Variants in CCDC171 observed in about 807,000 individuals in gnomAD.
CCDC171 encodes coiled-coil domain-containing protein 171.
In CCDC171, 177 loss-of-function variants were observed where a neutral mutation model predicts 168.2. That is an observed-to-expected ratio of 1.05 (90% CI 0.93 to 1.19). CCDC171 has a LOEUF of 1.19. Among genes scored for constraint, CCDC171 ranks in the 50% most tolerant of loss-of-function variants. The pLI, the probability that CCDC171 is intolerant of heterozygous loss-of-function variation, is 0.00. For missense variants in CCDC171, 1,991 were observed against 1,539.0 expected, an observed-to-expected ratio of 1.29 and a Z score of -4.91; for synonymous variants, 687 against 540.8, an observed-to-expected ratio of 1.27 and a Z score of -3.75.
Position 15,930,133 on chromosome 9 carries a change from T to C in CCDC171, c.3753+9711T>C, listed in dbSNP as rs368481231. 8.6e-5 allele frequency among the ~76,000 whole-genome samples: 13 copies of C among 151,796 alleles called. No individual in the cohort carries two copies. The East Asian group carries it at 2.3e-3, about 27-fold the overall frequency. On this transcript the variant is annotated intron_variant, in intron 25 of 25. Coordinates refer to ENST00000380701, the MANE Select transcript of CCDC171 (RefSeq NM_173550.4). ...TCAGATTTTAATAAATGCTGCTTGA[T>C]TTGAATTGAAATTAATGAGAAGGTC...
At chr9:15,940,957 C>T (rs576427012) in intron 25 of CCDC171, among the ~76,000 whole-genome samples, 3 of 152,034 alleles carry the variant, frequency 2.0e-5, no homozygotes, top group South Asian at 2.1e-4. Context: ...GTAGTTCCCA[C>T]GACTGTAAAA....
At chr9:15,931,091 G>A (rs140806226) in intron 25 of CCDC171, among the ~76,000 whole-genome samples, 7 of 151,718 alleles carry the variant, frequency 4.6e-5, no homozygotes, top group African/African-American at 1.7e-4. Flanking sequence ...ATTTCCTTTG[G>A]ATATATACCC....
chr9:16,105,630 A>C, the CCDC171 span, among the ~76,000 whole-genome samples: 1 of 152,154 alleles, frequency 6.6e-6, no homozygotes, highest in Non-Finnish European at 1.5e-5. Context: ...TTCCTGAGTG[A>C]AGATAATAGA....
Position 15,614,463 on chromosome 9 carries a change from A to C in CCDC171, c.676-8804A>C, listed in dbSNP as rs551332382. Among the ~76,000 whole-genome samples the C allele has an allele frequency of 2.2e-4, 33 of 152,346 alleles. No individual in the cohort carries two copies. The East Asian group carries it at 5.4e-3, about 25-fold the overall frequency. On this transcript the variant is annotated intron_variant, in intron 6 of 25. Transcript: ENST00000380701. ...TATTGAGATTCAATTGATTTCCCTG[A>C]ATAAATGCTTTTTGGATTACTGCAA...
At chr9:15,841,689 A>C (rs1281581711) in intron 21 of CCDC171, among the ~76,000 whole-genome samples, 1 of 152,006 alleles carries the variant, frequency 6.6e-6, no homozygotes, top group Non-Finnish European at 1.5e-5. Flanking sequence ...ACTGTACTAT[A>C]TACCAACATC....
intron 23 of CCDC171, among the ~76,000 whole-genome samples, chr9:15,853,074 A>C (rs887491512): frequency 1.3e-5 from 2 of 151,640 alleles, no homozygotes; most frequent in Non-Finnish European, 3.0e-5. Context: ...ATAAAATTCC[A>C]TGTGAATTTT....
At chr9:15,905,042 A>G (rs1222392275) in intron 24 of CCDC171, among the ~76,000 whole-genome samples, 270 of 152,328 alleles carry the variant, frequency 1.8e-3, no homozygotes, top group African/African-American at 5.9e-3. Flanking sequence ...GAGACCTACA[A>G]AGAGACTTAG....
chr9:16,079,246 T>A, the CCDC171 span, among the ~76,000 whole-genome samples: 1 of 152,234 alleles, frequency 6.6e-6, no homozygotes, highest in East Asian at 1.9e-4. Context: ...CCCAGTGGCC[T>A]GGTGTTACGG....
At chr9:16,003,516 G>T (rs1223761010) in intron 3 of CCDC171, among the ~76,000 whole-genome samples, 1 of 152,192 alleles carries the variant, frequency 6.6e-6, no homozygotes, top group Non-Finnish European at 1.5e-5. Context: ...TCAACTGCAT[G>T]TCTTAGATTT....
chr9:15,609,513 A>C (rs2043494387), intron 6 of CCDC171, among the ~76,000 whole-genome samples: 1 of 152,204 alleles, frequency 6.6e-6, no homozygotes, highest in Admixed American at 6.5e-5. Flanking sequence ...CGTATATAGC[A>C]TGAGATGGGA....
At chr9:15,593,921 G>T in intron 5 of CCDC171, 120 bp from the exon 6 acceptor site, 1 of 634,888 alleles carries the variant, frequency 1.6e-6, no homozygotes, top group Non-Finnish European at 2.8e-6. Flanking sequence ...ATTTTAACAT[G>T]AATTATGATG....
intron 24 of CCDC171, among the ~76,000 whole-genome samples, chr9:15,898,527 A>G (rs1283530734): frequency 6.6e-6 from 1 of 152,168 alleles, no homozygotes; most frequent in Non-Finnish European, 1.5e-5. Context: ...TGTGCAGAAG[A>G]CTGGTTGGTC....
rs550837264 is a variant in CCDC171 at position 15,751,569 on chromosome 9, C to G, written c.2671+5938C>G. Among the ~76,000 whole-genome samples the G allele has an allele frequency of 5.3e-5, 8 of 152,248 alleles. No individual in the cohort carries two copies. The South Asian group carries it at 1.5e-3, about 28-fold the overall frequency. On this transcript the variant is annotated intron_variant, in intron 18 of 25. Coordinates refer to ENST00000380701, the MANE Select transcript of CCDC171 (RefSeq NM_173550.4). ...ACTGGTACCAAAACAGATATATAGA[C>G]CAATGCAACAGAACAGAGGCCTCAG...
Position 15,601,342 on chromosome 9 carries a change from T to C in CCDC171, c.675+7170T>C, listed in dbSNP as rs112455801. 1.4e-4 allele frequency among the ~76,000 whole-genome samples: 21 copies of C among 152,336 alleles called. 2 individuals are homozygous for C. The highest frequency in any genetic ancestry group is 5.1e-4 in the African/African-American group (21 of 41,582). ...AACATTGGAAATTCTGAATTTGTTA[T>C]ATATGTCATTATTGAAAATACCAAT... On this transcript the variant is annotated intron_variant, in intron 6 of 25. Coordinates refer to ENST00000380701, the MANE Select transcript of CCDC171 (RefSeq NM_173550.4).
chr9:16,034,588 T>C (rs533449635), intron 6 of CCDC171, among the ~76,000 whole-genome samples: 1 of 152,328 alleles, frequency 6.6e-6, no homozygotes, highest in South Asian at 2.1e-4. Context: ...TGTGACATAG[T>C]TGAGTTCTCT....
In CCDC171 at chr9:15,689,281, G is replaced by C. The variant is rs190406030; in HGVS notation, c.1216-5954G>C. Among the ~76,000 whole-genome samples the C allele has an allele frequency of 4.6e-5, 7 of 152,266 alleles. No individual in the cohort carries two copies. In the East Asian group the frequency reaches 1.4e-3, roughly 29 times the overall value. On this transcript the variant is annotated intron_variant, in intron 10 of 25. Coordinates refer to ENST00000380701, the MANE Select transcript of CCDC171 (RefSeq NM_173550.4). Reference sequence around the variant, plus strand: ...TTAATACTGATGTTAGTACTCCCCAGATTGATGGTTTAATGCAATCTCCAT... The same window carrying C: ...TTAATACTGATGTTAGTACTCCCCACATTGATGGTTTAATGCAATCTCCAT...
chr9:16,090,724 C>T, the CCDC171 span, among the ~76,000 whole-genome samples: 3 of 152,140 alleles, frequency 2.0e-5, no homozygotes, highest in Non-Finnish European at 4.4e-5. Context: ...TTCATTGAGC[C>T]TTTATGAAGC....
At chr9:15,653,825 C>T (rs2047717482) in intron 7 of CCDC171, among the ~76,000 whole-genome samples, 3 of 151,856 alleles carry the variant, frequency 2.0e-5, no homozygotes, top group Admixed American at 6.6e-5. Flanking sequence ...CTCTGTTGCC[C>T]AGGCTGGTCT....
chr9:16,058,239 G>T (rs189002896), intron 1 of CCDC171, among the ~76,000 whole-genome samples: 69 of 152,006 alleles, frequency 4.5e-4, no homozygotes, highest in African/African-American at 1.6e-3. Flanking sequence ...CTTCCTGTTT[G>T]CTTTAGCCTA....
Sources: allele counts gnomAD v4.1 joint callset (sites outside exome capture counted in the v4.1 genomes callset), GRCh38; gene constraint gnomAD v4.1.1; transcripts MANE v1.5; gene names NCBI Gene and HGNC (gene_info 2026-07-23, HGNC 2026-07-21).